The following SLC1A4 variants were observed in gnomAD, a reference collection of about 807,000 sequenced individuals.
The protein encoded by SLC1A4 is neutral amino acid transporter A.
SLC1A4 carries 19 observed loss-of-function variants against 37.7 expected under a neutral mutation model. That is an observed-to-expected ratio of 0.50 (90% confidence interval 0.35 to 0.74). SLC1A4 has a LOEUF of 0.74. SLC1A4 is among the 30% of genes least tolerant of loss of function. The pLI is 0.01. For synonymous variants in SLC1A4, 299 were observed against 309.8 expected, an observed-to-expected ratio of 0.97 and a Z score of 0.37; for missense variants, 570 against 712.9, an observed-to-expected ratio of 0.80 and a Z score of 2.28.
chr2:64,998,857 G>A (rs893081314), intron 1 of SLC1A4, among the ~76,000 whole-genome samples: 1 of 152,204 alleles, frequency 6.6e-6, no homozygotes, highest in Non-Finnish European at 1.5e-5. Context: ...TATTTGCCGG[G>A]GGAAATTGTT....
intron 4 of SLC1A4, among the ~76,000 whole-genome samples, chr2:65,015,594 A>G (rs927250018): frequency 1.3e-5 from 2 of 152,172 alleles, no homozygotes; most frequent in African/African-American, 2.4e-5. Flanking sequence ...TTTTTAATTA[A>G]TAATTACTGC....
chr2:65,018,737 TA>T lies in SLC1A4; in HGVS notation c.1364+59del, dbSNP rs1674288756. 5 of 1,596,158 alleles carry T rather than the reference TA, an allele frequency of 3.1e-6. No homozygotes were observed. The highest frequency in any genetic ancestry group is 4.3e-6 in the Non-Finnish European group (5 of 1,168,694). The stretch of plus-strand genomic sequence containing the variant: ...GTCTGCACTGAGTTCCCTAGGAGCT[TA>T]GCACTGCTGGGCCTGGGCCATGCAG... On this transcript the variant is annotated intron_variant, in intron 7 of 7. Transcript: ENST00000234256. The surrounding 1 kb of genome is among the most constrained non-coding windows in gnomAD (Gnocchi z 4.3).
At position 65,022,824 on chromosome 2, in the gene SLC1A4, T is replaced by G. The variant is rs765429459; in HGVS notation, c.*1678T>G. 7 of 152,256 alleles carry G rather than the reference T, an allele frequency of 4.6e-5. No individual in the cohort carries two copies. Among genetic ancestry groups the G allele is most frequent in the Admixed American group, 3.3e-4 (5 of 15,282 alleles). 9.4% of individuals were successfully genotyped at this position (152,256 alleles called of 1,614,324 possible). ...CCACCCTGTAACAGGCCATTAAAGC[T>G]CCCCAGTGTTCAGCCTCCTTCACTC... On this transcript the variant is annotated 3_prime_UTR_variant, in exon 8 of 8. Transcript: ENST00000234256.
In SLC1A4 at chr2:65,010,630, A is replaced by G. The variant is rs1288857452; in HGVS notation, c.667A>G (p.Ile223Val). Residue 223 changes from isoleucine to valine, a missense_variant, in exon 4 of 8, where the codon ATT (isoleucine) becomes GTT (valine). Physicochemically the swap from Ile to Val is conservative, Grantham distance 29. Transcript: ENST00000234256. The part of the protein sequence containing the change: ...PIGTEIEGMN[I>V]LGLVLFALVL... ...AGGCACTGAGATAGAAGGGATGAAC[A>G]TTTTAGGATTGGTCCTGTTTGCTCT... 2 of 1,613,574 alleles carry G rather than the reference A, an allele frequency of 1.2e-6. No individual in the cohort carries two copies. Among genetic ancestry groups the G allele is most frequent in the Non-Finnish European group, 1.7e-6 (2 of 1,179,780 alleles).
intron 3 of SLC1A4, among the ~76,000 whole-genome samples, chr2:65,008,896 T>A (rs1673791929): frequency 6.6e-6 from 1 of 152,128 alleles, no homozygotes; most frequent in Non-Finnish European, 1.5e-5. Flanking sequence ...GGGAACTGAG[T>A]CACAAAGACG....
chr2:65,019,885 G>C (rs1015460280), intron 7 of SLC1A4, among the ~76,000 whole-genome samples: 14 of 152,218 alleles, frequency 9.2e-5, no homozygotes, highest in Admixed American at 2.0e-4. Context: ...AGTCACACAG[G>C]CCTGCCAGCC....
intron 4 of SLC1A4, among the ~76,000 whole-genome samples, chr2:65,014,174 G>A (rs1397987472): frequency 6.6e-6 from 1 of 152,072 alleles, no homozygotes; most frequent in Non-Finnish European, 1.5e-5. Flanking sequence ...AAGTCTGCAT[G>A]CAAAAGATAC....
intron 3 of SLC1A4, among the ~76,000 whole-genome samples, chr2:65,005,386 G>C (rs893313100): frequency 3.3e-5 from 5 of 152,184 alleles, no homozygotes; most frequent in African/African-American, 4.8e-5. Flanking sequence ...CCAGTCAGTG[G>C]CTCCTGATTT....
At chr2:65,009,302 G>A (rs531403745) in intron 3 of SLC1A4, among the ~76,000 whole-genome samples, 1 of 152,168 alleles carries the variant, frequency 6.6e-6, no homozygotes, top group African/African-American at 2.4e-5. Context: ...GAACCCAGGA[G>A]GTGGAGGTTG....
intron 1 of SLC1A4, among the ~76,000 whole-genome samples, chr2:64,995,467 C>T (rs903762361): frequency 1.3e-5 from 2 of 152,132 alleles, no homozygotes; most frequent in Non-Finnish European, 2.9e-5. Flanking sequence ...CCCAAAAGAT[C>T]CCCACTCCAG....
rs1064512 is a variant in SLC1A4, at chr2:64,989,752, G to C, written c.109G>C (p.Gly37Arg). 100,045 of 1,444,528 alleles carry C rather than the reference G, an allele frequency of 0.069. 3,843 individuals carry two copies. Among genetic ancestry groups the C allele is most frequent in the Non-Finnish European group, 0.08 (88,379 of 1,106,642 alleles). 89.5% of individuals were successfully genotyped at this position (1,444,528 alleles called of 1,614,324 possible). A position where few individuals can be genotyped will look rare whatever the true frequency, so the allele number is the denominator to read the frequency against. The change falls in exon 1 of 8, where the codon GGC becomes CGC. Residue 37 changes from glycine (G) to arginine (R), a missense_variant. By Grantham distance (125) the Gly-to-Arg change is moderately radical (BLOSUM62 -2). Transcript: ENST00000234256. ...TAAGRARRCAGFLRRQALVLL... is the reference protein window; with the variant it reads ...TAAGRARRCARFLRRQALVLL... ...GGCGGGACGCGCACGGCGTTGCGCGGGCTTCCTGCGGCGCCAAGCGCTGGT... is the reference window on the plus strand; with the variant it reads ...GGCGGGACGCGCACGGCGTTGCGCGCGCTTCCTGCGGCGCCAAGCGCTGGT...
intron 3 of SLC1A4, among the ~76,000 whole-genome samples, chr2:65,004,423 ATTATTTAT>A (rs141003389): frequency 0.14 from 21,074 of 149,392 alleles, 1,728 homozygotes; most frequent in African/African-American, 0.22. Context: ...CTAATATTTT[ATTATTTAT>A]TTATTTATTT....
At chr2:65,003,433 T>C (rs1032601104) in intron 2 of SLC1A4, among the ~76,000 whole-genome samples, 2 of 152,236 alleles carry the variant, frequency 1.3e-5, no homozygotes, top group Admixed American at 6.5e-5. Flanking sequence ...TGATGCCATC[T>C]TGCCTCACAT....
At chr2:65,002,827 C>T (rs200672154) in intron 2 of SLC1A4, among the ~76,000 whole-genome samples, 3 of 151,982 alleles carry the variant, frequency 2.0e-5, no homozygotes, top group African/African-American at 4.8e-5. Flanking sequence ...CCGCCCGCCT[C>T]GGCCTCCCAA....
At chr2:65,015,427 ATAGATT>A (rs1262535720) in intron 4 of SLC1A4, among the ~76,000 whole-genome samples, 3 of 151,218 alleles carry the variant, frequency 2.0e-5, no homozygotes, top group Admixed American at 6.6e-5. Context: ...AAAAAAACAC[ATAGATT>A]TAAATACATA....
At position 65,018,748 on chromosome 2, in the gene SLC1A4, G is replaced by A. The variant is rs931220517; in HGVS notation, c.1364+69G>A. ...GTTCCCTAGGAGCTTAGCACTGCTG[G>A]GCCTGGGCCATGCAGAGAAACTTCA... On this transcript the variant is annotated intron_variant, in intron 7 of 7. Coordinates refer to ENST00000234256, the MANE Select transcript of SLC1A4 (RefSeq NM_003038.5). The surrounding 1 kb of genome is among the most constrained non-coding windows in gnomAD (Gnocchi z 4.3). 3 of 1,568,706 alleles carry A rather than the reference G, an allele frequency of 1.9e-6. No individual in the cohort carries two copies. In the African/African-American group the frequency reaches 4.1e-5, roughly 21 times the overall value.
Position 65,001,163 on chromosome 2 carries a change from C to T in SLC1A4, c.528-285C>T, listed in dbSNP as rs35894508. 8.2e-3 allele frequency: 2,683 copies of T among 328,900 alleles called. 13 individuals carry two copies. The highest frequency in any genetic ancestry group is 0.012 in the Non-Finnish European group (2,172 of 180,022). 20.4% of individuals were successfully genotyped at this position (328,900 alleles called of 1,614,324 possible). A position where few individuals can be genotyped will look rare whatever the true frequency, so the allele number is the denominator to read the frequency against. ...AATCAAGCAAAAGGTGCAGTGTCAGCTAGGGGTGGAGAGAGAACACTGTGT... is the reference window on the plus strand; with the variant it reads ...AATCAAGCAAAAGGTGCAGTGTCAGTTAGGGGTGGAGAGAGAACACTGTGT... On this transcript the variant is annotated intron_variant, in intron 1 of 7. Transcript: ENST00000234256.
In SLC1A4 at chr2:65,018,783, C is replaced by T. The variant is rs116824324; in HGVS notation, c.1364+104C>T. 5,485 of 1,374,256 alleles carry T rather than the reference C, an allele frequency of 4.0e-3. 164 individuals carry two copies. The African/African-American group carries it at 0.065, about 16-fold the overall frequency. 85.1% of individuals were successfully genotyped at this position (1,374,256 alleles called of 1,614,324 possible). A position where few individuals can be genotyped will look rare whatever the true frequency, so the allele number is the denominator to read the frequency against. On this transcript the variant is annotated intron_variant, in intron 7 of 7. Coordinates refer to ENST00000234256, the MANE Select transcript of SLC1A4 (RefSeq NM_003038.5). The surrounding 1 kb of genome is among the most constrained non-coding windows in gnomAD (Gnocchi z 4.3). ...ATGCAGAGAAACTTCAGACACACTC[C>T]AGCCTTGTGAAGGAGGCTACAGTGG...
intron 1 of SLC1A4, among the ~76,000 whole-genome samples, chr2:64,998,690 T>G (rs1673359197): frequency 6.6e-6 from 1 of 152,164 alleles, no homozygotes; most frequent in African/African-American, 2.4e-5. Flanking sequence ...GGGTGAGATG[T>G]TACTGGGTTA....
Sources: allele counts gnomAD v4.1 joint callset (sites outside exome capture counted in the v4.1 genomes callset), GRCh38; gene constraint gnomAD v4.1.1; non-coding constraint Gnocchi (gnomAD v3.1); transcripts MANE v1.5; gene names NCBI Gene and HGNC (gene_info 2026-07-23, HGNC 2026-07-21).